Variants in ELAPOR2 observed in about 807,000 individuals in gnomAD.
The protein encoded by ELAPOR2 is endosome/lysosome-associated apoptosis and autophagy regulator family member 2.
In ELAPOR2, 89 loss-of-function variants were observed where a neutral mutation model predicts 120.7. The observed-to-expected ratio is 0.74, with a 90% CI of 0.62 to 0.88. ELAPOR2 has a LOEUF of 0.88. Among genes scored for constraint, ELAPOR2 ranks in the 40% least tolerant of loss-of-function variants. The pLI is 0.00. For missense variants in ELAPOR2, 1,134 were observed against 1,251.6 expected (o/e 0.91, Z 1.42); for synonymous variants, 444 against 444.9 (o/e 1.00, Z 0.03).
At chr7:87,045,469 G>A (rs1562984528) in intron 1 of ELAPOR2, among the ~76,000 whole-genome samples, 1 of 151,320 alleles carries the variant, frequency 6.6e-6, no homozygotes, top group East Asian at 1.9e-4. Flanking sequence ...GGACATGGAT[G>A]AAATTGGAAA....
chr7:86,970,507 G>C (rs891955057), intron 1 of ELAPOR2, among the ~76,000 whole-genome samples: 1 of 152,088 alleles, frequency 6.6e-6, no homozygotes, highest in Non-Finnish European at 1.5e-5. Context: ...TTATTTGAGA[G>C]AGCAAAATGG....
intron 1 of ELAPOR2, among the ~76,000 whole-genome samples, chr7:86,997,222 TA>T (rs1793155603): frequency 6.6e-6 from 1 of 152,154 alleles, no homozygotes; most frequent in African/African-American, 2.4e-5. Flanking sequence ...AGCTGGCAAG[TA>T]CCCTAAATAC....
In ELAPOR2 at chr7:87,040,992, C is replaced by A. The variant is rs1341764032; in HGVS notation, c.189+18333G>T. 7.9e-5 allele frequency among the ~76,000 whole-genome samples: 12 copies of A among 151,856 alleles called. 1 individual carries two copies. Among genetic ancestry groups the A allele is most frequent in the Admixed American group, 7.9e-4 (12 of 15,262 alleles). ...GAGAAGCCTCAGGAGCCGATGCGAT[C>A]AACTGGAAGAAAGGGTATCAGCGAT... On this transcript the variant is annotated intron_variant, in intron 1 of 21. Coordinates refer to ENST00000450689, the MANE Select transcript of ELAPOR2 (RefSeq NM_001142749.3).
At chr7:87,054,890 C>G (rs1236214523) in intron 1 of ELAPOR2, among the ~76,000 whole-genome samples, 2 of 152,120 alleles carry the variant, frequency 1.3e-5, no homozygotes, top group African/African-American at 4.8e-5. Context: ...CACAATGAGC[C>G]CTATCTTCTT....
chr7:87,034,612 G>A (rs894702595), intron 1 of ELAPOR2, among the ~76,000 whole-genome samples: 1 of 151,972 alleles, frequency 6.6e-6, no homozygotes, highest in Admixed American at 6.6e-5. Context: ...TTTGGTTCAA[G>A]TTATTTCCTG....
chr7:87,041,996 G>C (rs1292851872), intron 1 of ELAPOR2, among the ~76,000 whole-genome samples: 1 of 151,396 alleles, frequency 6.6e-6, no homozygotes, highest in Non-Finnish European at 1.5e-5. Context: ...AACCAACAAA[G>C]ATCAAAAGAG....
intron 1 of ELAPOR2, among the ~76,000 whole-genome samples, chr7:87,036,417 C>T (rs372167900): frequency 1.4e-3 from 207 of 152,184 alleles, no homozygotes; most frequent in African/African-American, 4.7e-3. Flanking sequence ...TCTGGGAGGT[C>T]AAAACTATGT....
At chr7:87,025,002 C>A (rs1295670838) in intron 1 of ELAPOR2, among the ~76,000 whole-genome samples, 20 of 148,764 alleles carry the variant, frequency 1.3e-4, no homozygotes, top group Admixed American at 2.7e-4. Context: ...AAAAAAAAAA[C>A]CATAGGCTGT....
At chr7:86,894,565 C>G (rs989436125) in intron 19 of ELAPOR2, among the ~76,000 whole-genome samples, 5 of 151,956 alleles carry the variant, frequency 3.3e-5, no homozygotes, top group Admixed American at 6.6e-5. Flanking sequence ...AAAAAAAATA[C>G]TTGCAAACCA....
intron 1 of ELAPOR2, among the ~76,000 whole-genome samples, chr7:87,016,168 A>T (rs1323552722): frequency 1.3e-5 from 2 of 152,212 alleles, no homozygotes; most frequent in African/African-American, 2.4e-5. Flanking sequence ...AGACTTTTAT[A>T]AATGAAACTG....
intron 1 of ELAPOR2, among the ~76,000 whole-genome samples, chr7:87,022,113 T>C (rs1238279280): frequency 6.6e-6 from 1 of 152,162 alleles, no homozygotes; most frequent in Non-Finnish European, 1.5e-5. Flanking sequence ...AGTTTTAGGG[T>C]ACATGTGCAC....
chr7:86,884,298 T>G (rs1217867749), intron 21 of ELAPOR2, among the ~76,000 whole-genome samples: 3 of 152,162 alleles, frequency 2.0e-5, no homozygotes, highest in African/African-American at 4.8e-5. Context: ...GCCTCAACAG[T>G]GCCCTGGATG....
chr7:86,928,129 C>G (rs1029362733), intron 8 of ELAPOR2, among the ~76,000 whole-genome samples: 6 of 135,892 alleles, frequency 4.4e-5, no homozygotes, highest in Non-Finnish European at 8.9e-5. Flanking sequence ...CTTTTTACAA[C>G]TCTCTTTTTC....
intron 1 of ELAPOR2, among the ~76,000 whole-genome samples, chr7:86,998,419 C>A (rs1340596153): frequency 6.6e-6 from 1 of 152,150 alleles, no homozygotes; most frequent in Non-Finnish European, 1.5e-5. Flanking sequence ...CGATGTCAAG[C>A]GATTTAGCTT....
intron 1 of ELAPOR2, among the ~76,000 whole-genome samples, chr7:86,993,246 A>AAAAAAAAAAAAG (rs796528835): frequency 1.2e-4 from 18 of 144,022 alleles, no homozygotes; most frequent in Non-Finnish European, 1.8e-4. Flanking sequence ...AAAAAAAAAA[A>AAAAAAAAAAAAG]AAAAGAAAAA....
At chr7:86,952,262 T>C (rs1315299590) in intron 2 of ELAPOR2, among the ~76,000 whole-genome samples, 2 of 152,220 alleles carry the variant, frequency 1.3e-5, no homozygotes, top group Non-Finnish European at 2.9e-5. Flanking sequence ...ACTGTGTTTA[T>C]AGTAGACTGG....
intron 12 of ELAPOR2, 133 bp from the exon 13 acceptor site, chr7:86,914,993 G>A: frequency 1.4e-6 from 1 of 724,642 alleles, no homozygotes; most frequent in Non-Finnish European, 2.1e-6. Flanking sequence ...AACAGAGCAT[G>A]TAATCCCAGA....
At chr7:86,945,067 A>G (rs1026465587) in intron 3 of ELAPOR2, 21 bp from the exon 4 acceptor site, 1 of 1,544,868 alleles carries the variant, frequency 6.5e-7, no homozygotes, top group Non-Finnish European at 8.7e-7. Context: ...AAAACCAAGA[A>G]GCACTTTACA....
intron 8 of ELAPOR2, among the ~76,000 whole-genome samples, chr7:86,933,507 A>T (rs1440155756): frequency 6.6e-6 from 1 of 151,892 alleles, no homozygotes; most frequent in Non-Finnish European, 1.5e-5. Flanking sequence ...TTTCGTTATA[A>T]TCTCACAATT....
Sources: gnomAD v4.1 joint callset for allele counts (sites outside exome capture counted in the v4.1 genomes callset) on GRCh38, gnomAD v4.1.1 for gene constraint, MANE v1.5 for transcripts, NCBI Gene and HGNC (gene_info 2026-07-23, HGNC 2026-07-21) for gene names.